PACRG: variants seen among roughly 807,000 people sequenced by gnomAD.
PACRG encodes the protein parkin coregulated.
A neutral mutation model predicts 29.7 loss-of-function variants in PACRG; 29 were observed. That is an observed-to-expected ratio of 0.98 (90% CI 0.73 to 1.33). PACRG has a LOEUF of 1.33. PACRG is among the 40% of genes most tolerant of loss of function. The pLI is 0.00. For missense variants in PACRG, 279 were observed against 316.2 expected (o/e 0.88, Z 0.89); for synonymous variants, 116 against 118.7 (o/e 0.98, Z 0.15).
rs544014105 is a variant in PACRG, at chr6:163,058,815, G to A, written c.292-3335G>A. ...CTCGGGAGGCTGAGGTGGGAGAATCGCGTGAACCCGGGAGGCAGAGCTTGC... is the reference window on the plus strand; with the variant it reads ...CTCGGGAGGCTGAGGTGGGAGAATCACGTGAACCCGGGAGGCAGAGCTTGC... On this transcript the variant is annotated intron_variant, in intron 2 of 4. Transcript: ENST00000366888. 5.1e-4 allele frequency among the ~76,000 whole-genome samples: 77 copies of A among 152,328 alleles called. 1 individual carries two copies. In the East Asian group the frequency reaches 0.012, roughly 24 times the overall value.
intron 2 of PACRG, among the ~76,000 whole-genome samples, chr6:162,843,331 G>T (rs1278248271): frequency 9.0e-6 from 1 of 111,674 alleles, no homozygotes. Context: ...TTCCCTTCTC[G>T]CTTCATTTCA....
chr6:163,266,961 AC>A (rs1783550449), intron 4 of PACRG, among the ~76,000 whole-genome samples: 1 of 152,184 alleles, frequency 6.6e-6, no homozygotes, highest in Non-Finnish European at 1.5e-5. Flanking sequence ...AACATGGAAC[AC>A]GTCTGTCACA....
chr6:162,940,332 G>C (rs796161047), intron 2 of PACRG, among the ~76,000 whole-genome samples: 12 of 151,822 alleles, frequency 7.9e-5, no homozygotes, highest in Admixed American at 2.6e-4. Flanking sequence ...CTTCTATTTT[G>C]TTTCCTGCTC....
intron 1 of PACRG, among the ~76,000 whole-genome samples, chr6:162,735,347 A>G (rs1409830801): frequency 1.3e-5 from 2 of 151,918 alleles, no homozygotes; most frequent in Non-Finnish European, 2.9e-5. Flanking sequence ...TCAAATTTAA[A>G]CTCTTTCCAG....
At chr6:162,878,794 G>C (rs1029160438) in intron 2 of PACRG, among the ~76,000 whole-genome samples, 3 of 152,194 alleles carry the variant, frequency 2.0e-5, no homozygotes, top group African/African-American at 7.2e-5. Flanking sequence ...GTGATTTGTA[G>C]TATGTTAAGA....
At chr6:162,852,525 A>G (rs560262655) in intron 2 of PACRG, among the ~76,000 whole-genome samples, 32 of 152,314 alleles carry the variant, frequency 2.1e-4, no homozygotes, top group Non-Finnish European at 4.4e-5. Flanking sequence ...CCTTGCATGA[A>G]AAACATAGAT....
intron 2 of PACRG, among the ~76,000 whole-genome samples, chr6:162,920,693 T>G (rs1415784959): frequency 6.6e-6 from 1 of 152,324 alleles, no homozygotes; most frequent in South Asian, 2.1e-4. Flanking sequence ...TACAGTTCTC[T>G]GAGCAATCAG....
chr6:163,163,410 T>C (rs1305742172), intron 4 of PACRG, among the ~76,000 whole-genome samples: 2 of 152,208 alleles, frequency 1.3e-5, no homozygotes, highest in Admixed American at 1.3e-4. Flanking sequence ...TAGCTGGGAT[T>C]ACAGGCAACT....
chr6:163,021,053 G>A (rs930158224), intron 2 of PACRG, among the ~76,000 whole-genome samples: 1 of 152,152 alleles, frequency 6.6e-6, no homozygotes, highest in Non-Finnish European at 1.5e-5. Context: ...GGAGCCCAGT[G>A]GATGGGCCTT....
intron 2 of PACRG, among the ~76,000 whole-genome samples, chr6:162,990,371 C>G (rs979968995): frequency 1.3e-5 from 2 of 151,244 alleles, no homozygotes; most frequent in South Asian, 2.1e-4. Flanking sequence ...AAAAGTGTTC[C>G]TATTTCTCCA....
intron 4 of PACRG, among the ~76,000 whole-genome samples, chr6:163,143,076 A>C (rs1777620102): frequency 6.6e-6 from 1 of 152,214 alleles, no homozygotes; most frequent in Non-Finnish European, 1.5e-5. Flanking sequence ...GGAATATGTT[A>C]ACGTTGATTT....
At chr6:162,856,054 T>C (rs1791363152) in intron 2 of PACRG, among the ~76,000 whole-genome samples, 2 of 152,036 alleles carry the variant, frequency 1.3e-5, no homozygotes, top group Non-Finnish European at 2.9e-5. Context: ...TTTGTTGTTG[T>C]TGTTGTTATT....
intron 2 of PACRG, among the ~76,000 whole-genome samples, chr6:162,947,611 CATATATATAT>C (rs1170513962): frequency 6.8e-4 from 19 of 27,990 alleles, no homozygotes; most frequent in African/African-American, 1.9e-3. Flanking sequence ...TATATATAAT[CATATATATAT>C]ATATATATAT....
intron 2 of PACRG, among the ~76,000 whole-genome samples, chr6:162,905,571 C>T (rs1445730618): frequency 6.6e-6 from 1 of 152,152 alleles, no homozygotes; most frequent in Non-Finnish European, 1.5e-5. Context: ...CCCAAACCTT[C>T]TGACGTCTGC....
intron 2 of PACRG, among the ~76,000 whole-genome samples, chr6:163,036,857 T>TATCCATCC (rs71008132): frequency 1.3e-5 from 2 of 148,746 alleles, no homozygotes; most frequent in Non-Finnish European, 3.0e-5. Flanking sequence ...TCCATCCAGC[T>TATCCATCC]ATCCATCCAT....
At chr6:162,956,816 C>T (rs1800078718) in intron 2 of PACRG, among the ~76,000 whole-genome samples, 2 of 152,178 alleles carry the variant, frequency 1.3e-5, no homozygotes, top group Non-Finnish European at 2.9e-5. Context: ...CATCTGCAAA[C>T]AAGCTCACAT....
At chr6:163,193,746 G>A (rs9295213) in intron 4 of PACRG, among the ~76,000 whole-genome samples, 130,336 of 152,150 alleles carry the variant, frequency 0.86, 55,956 homozygotes, top group African/African-American at 0.9. Flanking sequence ...GTACCAGCCC[G>A]TCATAGTTTG....
In PACRG at chr6:162,902,935, T is replaced by A. The variant is rs1484417761; in HGVS notation, c.291+88654T>A. Among the ~76,000 whole-genome samples the A allele has an allele frequency of 2.6e-5, 4 of 152,370 alleles. No homozygotes were observed. In the South Asian group the frequency reaches 6.2e-4, roughly 24 times the overall value. On this transcript the variant is annotated intron_variant, in intron 2 of 4. Coordinates refer to ENST00000366888, the MANE Select transcript of PACRG (RefSeq NM_001080379.2). Reference sequence around the variant, plus strand: ...AGACAAGAAGATAATATATTTATCATCTGATCATTTTTACAACTTCTGTTT... The same window carrying A: ...AGACAAGAAGATAATATATTTATCAACTGATCATTTTTACAACTTCTGTTT...
chr6:162,786,514 A>G (rs187616464), intron 1 of PACRG, among the ~76,000 whole-genome samples: 57 of 152,336 alleles, frequency 3.7e-4, no homozygotes, highest in African/African-American at 1.3e-3. Flanking sequence ...GCAACCATCT[A>G]TTATCTCATT....
Sources: gnomAD v4.1 joint callset for allele counts (sites outside exome capture counted in the v4.1 genomes callset) on GRCh38, gnomAD v4.1.1 for gene constraint, MANE v1.5 for transcripts, NCBI Gene and HGNC (gene_info 2026-07-23, HGNC 2026-07-21) for gene names.